The following PRAMEF11 variants were observed in gnomAD, a reference collection of about 807,000 sequenced individuals.
The protein encoded by PRAMEF11 is PRAME family member 11.
In PRAMEF11, 17 loss-of-function variants were observed where a neutral mutation model predicts 33.6. The ratio of observed to expected loss-of-function variants is 0.51; its 90% CI spans 0.35 to 0.76. PRAMEF11 has a LOEUF of 0.76. PRAMEF11 is among the 30% of genes least tolerant of loss of function. The pLI is 0.01. For missense variants in PRAMEF11, 568 were observed against 567.0 expected, an observed-to-expected ratio of 1.00 and a Z score of -0.02; for synonymous variants, 205 against 227.3, an observed-to-expected ratio of 0.90 and a Z score of 0.88.
chr1:12,826,678 C>G (rs1325324823), intron 3 of PRAMEF11, among the ~76,000 whole-genome samples: 2 of 151,370 alleles, frequency 1.3e-5, no homozygotes, highest in Non-Finnish European at 3.0e-5. Context: ...AGGAGAATCG[C>G]TTGAACCTGG....
At chr1:12,828,407 C>T (rs1298116693) in intron 2 of PRAMEF11, 90 bp downstream of exon 2, 3 of 1,431,958 alleles carry the variant, frequency 2.1e-6, no homozygotes, top group Admixed American at 2.2e-5. Context: ...CCACCACCAT[C>T]CCCCTTGGGC....
intron 3 of PRAMEF11, 67 bp downstream of exon 3, chr1:12,827,182 G>T: frequency 1.3e-6 from 2 of 1,527,196 alleles, no homozygotes; most frequent in Non-Finnish European, 1.8e-6. Context: ...CACAGTAGAT[G>T]CCCACTAGTG....
At chr1:12,826,687 G>T (rs1290242393) in intron 3 of PRAMEF11, among the ~76,000 whole-genome samples, 2 of 151,314 alleles carry the variant, frequency 1.3e-5, no homozygotes, top group Non-Finnish European at 3.0e-5. Flanking sequence ...GCTTGAACCT[G>T]GGAGGCAGAA....
intron 1 of PRAMEF11, among the ~76,000 whole-genome samples, chr1:12,829,238 T>G (rs1639954459): frequency 6.6e-6 from 1 of 151,390 alleles, no homozygotes; most frequent in Admixed American, 6.6e-5. Flanking sequence ...AGGTTCTATT[T>G]GTTTTCTTTT....
intron 1 of PRAMEF11, among the ~76,000 whole-genome samples, chr1:12,831,127 A>G (rs1319245276): frequency 1.2e-4 from 18 of 151,184 alleles, no homozygotes; most frequent in African/African-American, 4.1e-4. Context: ...GGCATGAGTC[A>G]CTGCTCCCTT....
Position 12,829,791 on chromosome 1 carries a change from T to A in PRAMEF11, c.-16-986A>T, listed in dbSNP as rs1329363012. On this transcript the variant is annotated intron_variant, in intron 1 of 3. Coordinates refer to ENST00000619922, the MANE Select transcript of PRAMEF11 (RefSeq NM_001146344.3). ...GGGAGGCTGAGGTAGGAGGATCACTTGAACCCAGGAGGCAGAAGTTGCAGT... is the reference window on the plus strand; with the variant it reads ...GGGAGGCTGAGGTAGGAGGATCACTAGAACCCAGGAGGCAGAAGTTGCAGT... Among the ~76,000 whole-genome samples the A allele has an allele frequency of 1.3e-5, 2 of 151,058 alleles. 1 individual carries two copies. Among genetic ancestry groups the A allele is most frequent in the African/African-American group, 4.9e-5 (2 of 41,190 alleles).
intron 3 of PRAMEF11, among the ~76,000 whole-genome samples, chr1:12,826,098 C>T (rs1639859234): frequency 6.6e-6 from 1 of 150,774 alleles, no homozygotes. Context: ...CAGAAAACCA[C>T]ATCCCTGGGC....
intron 2 of PRAMEF11, among the ~76,000 whole-genome samples, chr1:12,828,145 C>A (rs143314019): frequency 2.6e-4 from 39 of 148,240 alleles, no homozygotes; most frequent in African/African-American, 9.4e-4. Context: ...ACCACCATGC[C>A]CAGCTAATTT....
rs987182623 is a variant in PRAMEF11, at chr1:12,828,739, C to G, written c.51G>C (p.Arg17=). 1.9e-6 allele frequency: 3 copies of G among 1,610,004 alleles called. No homozygotes were observed. The African/African-American group carries it at 4.0e-5, about 22-fold the overall frequency. The change falls in exon 2 of 4, where the codon CGG becomes CGC. Residue 17 remains arginine (R), a synonymous_variant. Transcript: ENST00000619922. ...CCAAGGCTTGGTCCCTCAGCAGGCT[C>G]CGCCCCGCAAGCTCCAGGAGTCTGG... The part of the protein sequence containing the change: ...IPPRLLELAG[R]SLLRDQALAV...
chr1:12,830,631 A>C lies in PRAMEF11; in HGVS notation c.-17+725T>G, dbSNP rs1569797502. Among the ~76,000 whole-genome samples, 3 of 150,672 alleles carry C rather than the reference A, an allele frequency of 2.0e-5. 1 individual carries two copies. In the East Asian group the frequency reaches 5.9e-4, roughly 30 times the overall value. ...TCTTCTGGGCTCAAGTGATTCTCCC[A>C]CACCAGCCACCCAAATAGCTGGGAC... On this transcript the variant is annotated intron_variant, in intron 1 of 3. Coordinates refer to ENST00000619922, the MANE Select transcript of PRAMEF11 (RefSeq NM_001146344.3).
Position 12,825,014 on chromosome 1 carries a change from G to A in PRAMEF11, c.1365C>T (p.Phe455=), listed in dbSNP as rs1639824929. Residue 455 remains phenylalanine, a synonymous_variant, in exon 4 of 4, where the codon TTC becomes TTT. Coordinates refer to ENST00000619922, the MANE Select transcript of PRAMEF11 (RefSeq NM_001146344.3). The part of the protein sequence containing the change: ...RHLRHPKRIL[F]CTDNCPDHGD... ...CATGGTCAGGGCAGTTGTCAGTACA[G>A]AACAAGATCCTCTTGGGGTGCCTTA... 3 of 1,609,674 alleles carry A rather than the reference G, an allele frequency of 1.9e-6. No individual in the cohort carries two copies. Among genetic ancestry groups the A allele is most frequent in the Non-Finnish European group, 2.5e-6 (3 of 1,177,764 alleles).
intron 1 of PRAMEF11, among the ~76,000 whole-genome samples, chr1:12,830,358 G>C (rs1176423156): frequency 1.3e-5 from 2 of 151,100 alleles, no homozygotes; most frequent in East Asian, 3.9e-4. Flanking sequence ...TGTCATATCG[G>C]CTCACTGTTA....
intron 3 of PRAMEF11, among the ~76,000 whole-genome samples, chr1:12,826,460 T>A (rs1003672834): frequency 6.0e-5 from 9 of 151,174 alleles, no homozygotes; most frequent in African/African-American, 2.2e-4. Context: ...TCACATCATC[T>A]TCTTAAAAAT....
rs533137529 is a variant in PRAMEF11, at chr1:12,824,781, A to G, written c.*161T>C. ...TTGAATCCATGGCAACATTTCCCCC[A>G]AGTCCTGCCCCTGCTTGATCAGCTT... On this transcript the variant is annotated 3_prime_UTR_variant, in exon 4 of 4. Transcript: ENST00000619922. 371 of 1,172,838 alleles carry G rather than the reference A, an allele frequency of 3.2e-4. 5 individuals are homozygous for G. In the African/African-American group the frequency reaches 5.3e-3, roughly 17 times the overall value. The allele number at this position is 1,172,838 out of a possible 1,614,324, so 72.7% of individuals were successfully genotyped here. A position where few individuals can be genotyped will look rare whatever the true frequency, so the allele number is the denominator to read the frequency against.
intron 2 of PRAMEF11, among the ~76,000 whole-genome samples, chr1:12,828,139 C>T (rs1216002451): frequency 1.3e-5 from 2 of 149,904 alleles, no homozygotes; most frequent in East Asian, 4.0e-4. Context: ...GAACCCACCA[C>T]CATGCCCAGC....
Position 12,830,233 on chromosome 1 carries a change from C to T in PRAMEF11, c.-17+1123G>A, listed in dbSNP as rs112683456. ...GTTTTCAAAGACAGAGATGACAGTC[C>T]CTAAGAAAACACAGTAGAAATCTTC... is the stretch of plus-strand genomic sequence containing the variant. On this transcript the variant is annotated intron_variant, in intron 1 of 3. Transcript: ENST00000619922. Among the ~76,000 whole-genome samples, 1,165 of 151,340 alleles carry T rather than the reference C, an allele frequency of 7.7e-3. 31 individuals carry two copies. Among genetic ancestry groups the T allele is most frequent in the African/African-American group, 0.026 (1,092 of 41,356 alleles).
At chr1:12,829,233 C>A (rs564788613) in intron 1 of PRAMEF11, among the ~76,000 whole-genome samples, 1 of 151,290 alleles carries the variant, frequency 6.6e-6, no homozygotes, top group Non-Finnish European at 1.5e-5. Flanking sequence ...AGAACAGGTT[C>A]TATTTGTTTT....
intron 3 of PRAMEF11, among the ~76,000 whole-genome samples, chr1:12,826,110 A>G (rs1320111324): frequency 1.3e-5 from 2 of 150,828 alleles, no homozygotes; most frequent in Non-Finnish European, 3.0e-5. Context: ...TCCCTGGGCC[A>G]CAGAAGCCCA....
Position 12,828,648 on chromosome 1 carries a change from T to C in PRAMEF11, c.142A>G (p.Arg48Gly). ...FPPLFMEAFSRRRCEALKLMV... is the reference protein window; with the variant it reads ...FPPLFMEAFSGRRCEALKLMV... Reference sequence around the variant, plus strand: ...AGCTTCAGGGCCTCACAGCGTCTCCTGCTGAAGGCCTCCATGAACAGTGGG... The same window carrying C: ...AGCTTCAGGGCCTCACAGCGTCTCCCGCTGAAGGCCTCCATGAACAGTGGG... Residue 48 changes from arginine to glycine, a missense_variant, in exon 2 of 4, where the codon AGG becomes GGG. Arg to Gly is a moderately radical substitution (Grantham distance 125, BLOSUM62 -2). This residue lies in a region of PRAMEF11 where 342 missense variants were observed against 312.0 expected (regional missense o/e 1.10). Coordinates refer to ENST00000619922, the MANE Select transcript of PRAMEF11 (RefSeq NM_001146344.3). The C allele has an allele frequency of 6.2e-7, 1 of 1,610,402 alleles. No individual in the cohort carries two copies. Among genetic ancestry groups the C allele is most frequent in the Non-Finnish European group, 8.5e-7 (1 of 1,178,092 alleles).
Sources: allele counts gnomAD v4.1 joint callset (sites outside exome capture counted in the v4.1 genomes callset), GRCh38; gene constraint gnomAD v4.1.1; regional missense constraint gnomAD v4.1.1; transcripts MANE v1.5; gene names NCBI Gene and HGNC (gene_info 2026-07-23, HGNC 2026-07-21).